PPP1R12B: variants seen among roughly 807,000 people sequenced by gnomAD.
PPP1R12B encodes myosin phosphatase target subunit 2.
Under a neutral mutation model 126.1 loss-of-function variants are expected in PPP1R12B, and 76 were observed. The ratio of observed to expected loss-of-function variants is 0.60; its 90% CI spans 0.50 to 0.73. The LOEUF is 0.73. PPP1R12B is among the 30% of genes least tolerant of loss of function. The pLI, the probability that PPP1R12B is intolerant of heterozygous loss-of-function variation, is 0.00. For missense variants in PPP1R12B, 1,052 were observed against 1,205.1 expected, an observed-to-expected ratio of 0.87 and a Z score of 1.88; for synonymous variants, 356 against 434.7, an observed-to-expected ratio of 0.82 and a Z score of 2.25.
intron 1 of PPP1R12B, among the ~76,000 whole-genome samples, chr1:202,415,837 A>C (rs2148614758): frequency 6.6e-6 from 1 of 152,276 alleles, no homozygotes; most frequent in Admixed American, 6.5e-5. Context: ...TGAAATGATC[A>C]CCCTACCCTT....
At chr1:202,430,509 T>C (rs1670048935) in intron 6 of PPP1R12B, among the ~76,000 whole-genome samples, 1 of 152,142 alleles carries the variant, frequency 6.6e-6, no homozygotes, top group Non-Finnish European at 1.5e-5. Flanking sequence ...AGCAGTTTTA[T>C]TGAAGTTCTT....
chr1:202,476,241 T>C (rs1676634779), intron 13 of PPP1R12B, among the ~76,000 whole-genome samples: 1 of 150,794 alleles, frequency 6.6e-6, no homozygotes, highest in Admixed American at 6.6e-5. Context: ...CAATGAATAA[T>C]AAACTATCTT....
At chr1:202,388,412 G>C (rs913892920) in intron 1 of PPP1R12B, among the ~76,000 whole-genome samples, 1 of 152,132 alleles carries the variant, frequency 6.6e-6, no homozygotes, top group Non-Finnish European at 1.5e-5. Context: ...CACCATGTTG[G>C]CCAGGCTGGT....
At chr1:202,387,811 G>A (rs750708088) in intron 1 of PPP1R12B, among the ~76,000 whole-genome samples, 16 of 152,062 alleles carry the variant, frequency 1.1e-4, no homozygotes, top group Non-Finnish European at 4.4e-5. Context: ...GTGTCGTAGG[G>A]TAATTCTGAA....
chr1:202,528,110 C>T (rs1040404428), intron 18 of PPP1R12B, among the ~76,000 whole-genome samples: 2 of 152,154 alleles, frequency 1.3e-5, no homozygotes, highest in African/African-American at 4.8e-5. Flanking sequence ...AGCATGTATC[C>T]GTAAGATAGC....
chr1:202,586,599 G>C lies in PPP1R12B; in HGVS notation c.*6039G>C, dbSNP rs1689827674. Reference sequence around the variant, plus strand: ...TCAACTTCATTGTAGTCCAGGAACTGTTGGTCACAGCTACTAGGAATGAGG... The same window carrying C: ...TCAACTTCATTGTAGTCCAGGAACTCTTGGTCACAGCTACTAGGAATGAGG... On this transcript the variant is annotated 3_prime_UTR_variant, in exon 24 of 24. Transcript: ENST00000608999. 1 of 152,222 alleles carries C rather than the reference G, an allele frequency of 6.6e-6. No homozygotes were observed. The highest frequency in any genetic ancestry group is 1.5e-5 in the Non-Finnish European group (1 of 68,040). The allele number at this position is 152,222 out of a possible 1,614,324, so 9.4% of individuals were successfully genotyped here.
chr1:202,487,042 AAAT>A (rs1309486121), intron 13 of PPP1R12B, among the ~76,000 whole-genome samples: 1 of 152,184 alleles, frequency 6.6e-6, no homozygotes, highest in Non-Finnish European at 1.5e-5. Context: ...ATTCTAAACT[AAAT>A]AATAGTGAAT....
At chr1:202,574,167 C>CAAA (rs11320060) in intron 23 of PPP1R12B, among the ~76,000 whole-genome samples, 1 of 122,334 alleles carries the variant, frequency 8.2e-6, no homozygotes, top group African/African-American at 3.0e-5. Flanking sequence ...ACATGCCCCA[C>CAAA]AAAAAAAAAA....
intron 2 of PPP1R12B, among the ~76,000 whole-genome samples, chr1:202,418,774 T>C (rs2148623981): frequency 6.6e-6 from 1 of 152,342 alleles, no homozygotes; most frequent in East Asian, 1.9e-4. Context: ...TACTGTCATC[T>C]ATTTATTTGC....
chr1:202,461,615 C>T (rs1382149301), intron 13 of PPP1R12B, among the ~76,000 whole-genome samples: 1 of 151,954 alleles, frequency 6.6e-6, no homozygotes, highest in East Asian at 1.9e-4. Context: ...TTTTTAAACC[C>T]TACATGCTAT....
chr1:202,502,039 T>C, intron 18 of PPP1R12B: 1 of 984,832 alleles, frequency 1.0e-6, no homozygotes, highest in South Asian at 4.7e-5. Context: ...AGTAAGACTT[T>C]TCATACTTTT....
At chr1:202,498,289 A>G (rs1427029457) in intron 18 of PPP1R12B, among the ~76,000 whole-genome samples, 2 of 152,244 alleles carry the variant, frequency 1.3e-5, no homozygotes, top group Non-Finnish European at 2.9e-5. Flanking sequence ...CACACATCCA[A>G]TTGCATAAGG....
chr1:202,475,855 G>A (rs1386156186), intron 13 of PPP1R12B, among the ~76,000 whole-genome samples: 1 of 151,860 alleles, frequency 6.6e-6, no homozygotes, highest in Non-Finnish European at 1.5e-5. Context: ...TATTAAAGAA[G>A]GTTTTTTTGG....
intron 19 of PPP1R12B, among the ~76,000 whole-genome samples, chr1:202,559,224 T>C (rs1277459243): frequency 6.6e-6 from 1 of 152,154 alleles, no homozygotes; most frequent in Non-Finnish European, 1.5e-5. Context: ...ATCCTTACCT[T>C]CAATTAGCTA....
At chr1:202,381,022 G>T (rs767067148) in intron 1 of PPP1R12B, among the ~76,000 whole-genome samples, 1 of 152,064 alleles carries the variant, frequency 6.6e-6, no homozygotes, top group Non-Finnish European at 1.5e-5. Context: ...TCTTATTGAC[G>T]TGTACATAAA....
chr1:202,422,870 A>G (rs1345294920), intron 3 of PPP1R12B, 132 bp downstream of exon 3: 21 of 1,287,724 alleles, frequency 1.6e-5, no homozygotes, highest in Non-Finnish European at 2.0e-5. Flanking sequence ...GCACTGCATT[A>G]ATCATTAATC....
chr1:202,559,619 C>T (rs549085400), intron 19 of PPP1R12B, among the ~76,000 whole-genome samples: 59 of 152,270 alleles, frequency 3.9e-4, no homozygotes, highest in African/African-American at 1.3e-3. Flanking sequence ...TCTACTGTTA[C>T]TCTGATGGAG....
chr1:202,449,747 C>T (rs1423887079), intron 13 of PPP1R12B, among the ~76,000 whole-genome samples: 1 of 151,936 alleles, frequency 6.6e-6, no homozygotes, highest in African/African-American at 2.4e-5. Flanking sequence ...AGTGCAGTGG[C>T]GCGATCTCAG....
At chr1:202,445,054 T>C in intron 12 of PPP1R12B, 1 of 1,247,292 alleles carries the variant, frequency 8.0e-7, no homozygotes, top group Non-Finnish European at 1.0e-6. Flanking sequence ...AGTGCTTCAT[T>C]TGGTAGAAGT....
Sources: gnomAD v4.1 joint callset for allele counts (sites outside exome capture counted in the v4.1 genomes callset) on GRCh38, gnomAD v4.1.1 for gene constraint, MANE v1.5 for transcripts, NCBI Gene and HGNC (gene_info 2026-07-23, HGNC 2026-07-21) for gene names.